DPYSL3: variants seen among roughly 807,000 people sequenced by gnomAD.
DPYSL3 encodes dihydropyrimidinase like 3, also known as dihydropyrimidinase-related protein 3.
DPYSL3 carries 16 observed loss-of-function variants against 66.1 expected under a neutral mutation model. The ratio of observed to expected loss-of-function variants is 0.24; its 90% CI spans 0.16 to 0.37. DPYSL3 has a LOEUF of 0.37. Among genes scored for constraint, DPYSL3 ranks in the 10% least tolerant of loss-of-function variants. DPYSL3 has a pLI of 1.00. For synonymous variants in DPYSL3, 338 were observed against 345.1 expected, an observed-to-expected ratio of 0.98 and a Z score of 0.23; for missense variants, 738 against 916.2, an observed-to-expected ratio of 0.81 and a Z score of 2.51.
chr5:147,497,401 A>C (rs554098496), intron 1 of DPYSL3, among the ~76,000 whole-genome samples: 20 of 152,138 alleles, frequency 1.3e-4, no homozygotes, highest in Non-Finnish European at 1.3e-4. Context: ...AAAGTATAAT[A>C]ATAATAAAAT....
chr5:147,465,151 A>C (rs565039935), intron 1 of DPYSL3, among the ~76,000 whole-genome samples: 1 of 152,306 alleles, frequency 6.6e-6, no homozygotes, highest in African/African-American at 2.4e-5. Flanking sequence ...CTGTGATCAC[A>C]CTACTGCACT....
chr5:147,432,464 T>A (rs1166238637), intron 1 of DPYSL3, among the ~76,000 whole-genome samples: 1 of 152,220 alleles, frequency 6.6e-6, no homozygotes, highest in Non-Finnish European at 1.5e-5. Flanking sequence ...ACAAGTGATG[T>A]GGCCTGCCCT....
At chr5:147,484,149 G>T (rs979018902) in intron 1 of DPYSL3, among the ~76,000 whole-genome samples, 2 of 152,194 alleles carry the variant, frequency 1.3e-5, no homozygotes, top group Non-Finnish European at 2.9e-5. Flanking sequence ...CCTTGGAAGG[G>T]AGCCCGTGCT....
chr5:147,453,633 T>C (rs895103442), intron 1 of DPYSL3: 1 of 1,516,490 alleles, frequency 6.6e-7, no homozygotes, highest in African/African-American at 1.4e-5. Context: ...CTCCTTCTTC[T>C]GCTCCGGCTC....
At chr5:147,394,231 T>A in intron 13 of DPYSL3, 108 bp from the exon 14 acceptor site, 2 of 1,124,702 alleles carry the variant, frequency 1.8e-6, no homozygotes, top group Non-Finnish European at 2.6e-6. Context: ...AGATATGAAG[T>A]GCCTTGCTGG....
At chr5:147,394,670 GAAC>G (rs1757916684) in intron 13 of DPYSL3, among the ~76,000 whole-genome samples, 3 of 146,130 alleles carry the variant, frequency 2.1e-5, no homozygotes, top group African/African-American at 5.1e-5. Context: ...GGTAGCCAGA[GAAC>G]AACAACAACA....
At chr5:147,415,644 A>T in intron 4 of DPYSL3, 65 bp downstream of exon 4, 1 of 1,559,110 alleles carries the variant, frequency 6.4e-7, no homozygotes. Context: ...AAATGAGTGG[A>T]TGGTGTTGGA....
chr5:147,442,213 C>A (rs1752545599), intron 1 of DPYSL3, among the ~76,000 whole-genome samples: 2 of 152,118 alleles, frequency 1.3e-5, no homozygotes, highest in African/African-American at 4.8e-5. Flanking sequence ...AACCAGCTTC[C>A]AAGCTTATAG....
intron 1 of DPYSL3, among the ~76,000 whole-genome samples, chr5:147,431,464 CA>C (rs1752315162): frequency 6.6e-6 from 1 of 152,114 alleles, no homozygotes; most frequent in South Asian, 2.1e-4. Context: ...TCTGAGGGTG[CA>C]AACAAGGATT....
intron 6 of DPYSL3, among the ~76,000 whole-genome samples, chr5:147,409,921 C>G (rs189506076): frequency 6.6e-6 from 1 of 152,134 alleles, no homozygotes; most frequent in Non-Finnish European, 1.5e-5. Flanking sequence ...TAATAGAAAT[C>G]TCTAAAAGAG....
intron 1 of DPYSL3, among the ~76,000 whole-genome samples, chr5:147,475,413 T>C (rs750373224): frequency 6.6e-6 from 1 of 152,084 alleles, no homozygotes; most frequent in Admixed American, 6.5e-5. Context: ...GTTAAAATAA[T>C]AGCACTTCAA....
At position 147,418,567 on chromosome 5, in the gene DPYSL3, C is replaced by T; in HGVS notation, c.535G>A (p.Val179Met). The change falls in exon 3 of 14, where the codon GTG (valine) becomes ATG (methionine). Residue 179 changes from valine (V) to methionine (M), a missense_variant. Coordinates refer to ENST00000343218, the MANE Select transcript of DPYSL3 (RefSeq NM_001197294.2). ...VKTIEANGKM[V>M]IPGGIDVHTH... ...TGGACATCGATGCCTCCAGGGATCA[C>T]CATCTTCCCATTGGCTTCAATGGTC... is the stretch of plus-strand genomic sequence containing the variant. The T allele has an allele frequency of 1.2e-6, 2 of 1,612,524 alleles. No individual in the cohort carries two copies. Among genetic ancestry groups the T allele is most frequent in the South Asian group, 1.1e-5 (1 of 90,668 alleles).
Position 147,423,882 on chromosome 5 carries a change from G to A in DPYSL3, c.470+993C>T, listed in dbSNP as rs183609501. Among the ~76,000 whole-genome samples, 1,223 of 152,170 alleles carry A rather than the reference G, an allele frequency of 8.0e-3. 10 individuals carry two copies. The highest frequency in any genetic ancestry group is 0.031 in the Middle Eastern group (9 of 294). On this transcript the variant is annotated intron_variant, in intron 2 of 13. Coordinates refer to ENST00000343218, the MANE Select transcript of DPYSL3 (RefSeq NM_001197294.2). ...ACTGCAGGCATACACCAGCACACCC[G>A]GGTAATTTTTGTATTAGTAAAGACA...
At chr5:147,416,571 T>C (rs559064913) in intron 3 of DPYSL3, among the ~76,000 whole-genome samples, 54 of 152,300 alleles carry the variant, frequency 3.5e-4, no homozygotes, top group African/African-American at 1.3e-3. Context: ...AAGTTACACT[T>C]TCATAGTTCC....
At chr5:147,447,793 G>A (rs778802341) in intron 1 of DPYSL3, among the ~76,000 whole-genome samples, 24 of 152,084 alleles carry the variant, frequency 1.6e-4, no homozygotes, top group Non-Finnish European at 7.4e-5. Flanking sequence ...AGCTGAGATC[G>A]CGCCACTGCA....
chr5:147,479,853 T>C (rs1389360401), intron 1 of DPYSL3, among the ~76,000 whole-genome samples: 1 of 152,154 alleles, frequency 6.6e-6, no homozygotes, highest in Non-Finnish European at 1.5e-5. Context: ...ATATAAAGGC[T>C]TGCATTTATT....
At chr5:147,444,754 G>GA (rs141180117) in intron 1 of DPYSL3, among the ~76,000 whole-genome samples, 3,361 of 152,144 alleles carry the variant, frequency 0.022, 133 homozygotes, top group African/African-American at 0.076. Flanking sequence ...CGAGTAATAA[G>GA]AATAGCTCCA....
At chr5:147,484,668 A>G (rs1293299364) in intron 1 of DPYSL3, among the ~76,000 whole-genome samples, 1 of 152,256 alleles carries the variant, frequency 6.6e-6, no homozygotes, top group African/African-American at 2.4e-5. Flanking sequence ...TTCAGACATC[A>G]GAGCAAATTA....
chr5:147,484,811 A>G (rs937786186), intron 1 of DPYSL3, among the ~76,000 whole-genome samples: 2 of 152,222 alleles, frequency 1.3e-5, no homozygotes, highest in Non-Finnish European at 2.9e-5. Flanking sequence ...GCTCTCTAAC[A>G]TCAACAGAAG....
Sources: allele counts gnomAD v4.1 joint callset (sites outside exome capture counted in the v4.1 genomes callset), GRCh38; gene constraint gnomAD v4.1.1; transcripts MANE v1.5; gene names NCBI Gene and HGNC (gene_info 2026-07-23, HGNC 2026-07-21).